SYNE2: variants seen among roughly 807,000 people sequenced by gnomAD.
The protein encoded by SYNE2 is nesprin-2.
SYNE2 carries 431 observed loss-of-function variants against 856.3 expected under a neutral mutation model. The ratio of observed to expected loss-of-function variants is 0.50; its 90% CI spans 0.47 to 0.55. The LOEUF is 0.55. SYNE2 is among the 20% of genes least tolerant of loss of function. SYNE2 has a pLI of 0.00. For synonymous variants in SYNE2, 2,923 were observed against 2,872.3 expected (o/e 1.02, Z -0.56); for missense variants, 8,129 against 8,023.2 (o/e 1.01, Z -0.50).
In SYNE2 at chr14:64,154,880, G is replaced by T. The variant is rs137876751; in HGVS notation, c.15792+2164G>T. On this transcript the variant is annotated intron_variant, in intron 85 of 115. Coordinates refer to ENST00000555002, the MANE Select transcript of SYNE2 (RefSeq NM_182914.3). ...AAATGGCCGAAAAGTGCATTGAAAAGATATTCCATGTCATTAACCATCAAG... is the reference window on the plus strand; with the variant it reads ...AAATGGCCGAAAAGTGCATTGAAAATATATTCCATGTCATTAACCATCAAG... 2.3e-3 allele frequency among the ~76,000 whole-genome samples: 354 copies of T among 150,960 alleles called. 1 individual carries two copies. Among genetic ancestry groups the T allele is most frequent in the African/African-American group, 8.2e-3 (339 of 41,102 alleles).
chr14:64,003,209 A>G lies in SYNE2; in HGVS notation c.4276A>G (p.Asn1426Asp). The change falls in exon 30 of 116, where the codon AAC (asparagine) becomes GAC (aspartate). Residue 1426 changes from asparagine (N) to aspartate (D), a missense_variant. Asn to Asp is a conservative substitution (Grantham distance 23, BLOSUM62 1). Around this residue, in one of 3 missense-constraint regions of SYNE2, gnomAD observed 2,422 missense variants for 2,357.4 expected, o/e 1.03. Transcript: ENST00000555002. ...GGTACAGGAGGAATTCACTGAGGAA[A>G]ACAAATTACTAGAGGCTTGTATTTT... ...YGVQEEFTEE[N>D]KLLEACIFKN... is the part of the protein sequence containing the mutation. 6.2e-7 allele frequency: 1 copy of G among 1,614,046 alleles called. No homozygotes were observed. Among genetic ancestry groups the G allele is most frequent in the East Asian group, 2.2e-5 (1 of 44,886 alleles).
chr14:64,190,821 A>G (rs919257267), intron 99 of SYNE2: 49 of 680,256 alleles, frequency 7.2e-5, no homozygotes, highest in African/African-American at 6.5e-4. Flanking sequence ...GGCCAGTGCA[A>G]TCTTATCAGA....
exon 1 of SYNE2, chr14:63,761,940 C>A: frequency 3.5e-6 from 1 of 284,774 alleles, no homozygotes; most frequent in South Asian, 3.3e-5. Context: ...CCGCGGGGAG[C>A]GGCACGGGGT....
chr14:63,936,611 A>G (rs1331794393), intron 2 of SYNE2, among the ~76,000 whole-genome samples: 1 of 152,098 alleles, frequency 6.6e-6, no homozygotes, highest in East Asian at 1.9e-4. Context: ...AGGAGGCCAG[A>G]GTGGTTGGAG....
chr14:63,818,484 C>T (rs1889092315), intron 1 of SYNE2, among the ~76,000 whole-genome samples: 1 of 152,046 alleles, frequency 6.6e-6, no homozygotes, highest in Non-Finnish European at 1.5e-5. Flanking sequence ...CTCCCCTGCA[C>T]TCCAGCTGGG....
intron 99 of SYNE2, among the ~76,000 whole-genome samples, chr14:64,197,282 G>A (rs1401062631): frequency 1.3e-5 from 2 of 152,176 alleles, no homozygotes; most frequent in Admixed American, 6.5e-5. Context: ...GTCAGCATGC[G>A]TGTGGTGTCT....
chr14:64,222,397 G>A (rs547348257), intron 112 of SYNE2, among the ~76,000 whole-genome samples: 132 of 152,272 alleles, frequency 8.7e-4, no homozygotes, highest in African/African-American at 3.0e-3. Flanking sequence ...GACTGAAACT[G>A]AATTTTTAAT....
intron 1 of SYNE2, among the ~76,000 whole-genome samples, chr14:63,812,031 A>G (rs1888631322): frequency 6.6e-6 from 1 of 152,182 alleles, no homozygotes; most frequent in South Asian, 2.1e-4. Flanking sequence ...AACAGAAAAC[A>G]GGGTTTGAGA....
intron 70 of SYNE2, 74 bp downstream of exon 70, chr14:64,122,501 T>C (rs1412234456): frequency 1.3e-6 from 2 of 1,597,834 alleles, no homozygotes; most frequent in Non-Finnish European, 1.7e-6. Context: ...TAAATAAACA[T>C]GTATATTCTC....
chr14:63,811,334 C>T (rs552355354), intron 1 of SYNE2, among the ~76,000 whole-genome samples: 31 of 152,110 alleles, frequency 2.0e-4, no homozygotes, highest in Non-Finnish European at 4.0e-4. Context: ...TTGCTCACTG[C>T]AGCCTTGACC....
chr14:63,808,279 A>G (rs982723777), intron 1 of SYNE2, among the ~76,000 whole-genome samples: 2 of 151,830 alleles, frequency 1.3e-5, no homozygotes, highest in Non-Finnish European at 2.9e-5. Context: ...ACCTGAGGTC[A>G]GGAGTTCGAG....
rs1436965846 is a variant in SYNE2 at position 63,815,149 on chromosome 14, CA to C, written c.-304-37351del. On this transcript the variant is annotated intron_variant, in intron 1 of 23. Transcript: ENST00000674003. ...CCACATATATATCCATATATATACACATATATATCCATATATATCCACATAT... is the reference window on the plus strand; with the variant it reads ...CCACATATATATCCATATATATACACTATATATCCATATATATCCACATAT... 2.0e-4 allele frequency among the ~76,000 whole-genome samples: 13 copies of C among 65,738 alleles called. 1 individual carries two copies. The highest frequency in any genetic ancestry group is 7.1e-4 in the African/African-American group (13 of 18,316). 43.1% of individuals were successfully genotyped at this position (65,738 alleles called of 152,430 possible).
intron 49 of SYNE2, among the ~76,000 whole-genome samples, chr14:64,062,195 A>C (rs2097323089): frequency 6.6e-6 from 1 of 152,150 alleles, no homozygotes; most frequent in Non-Finnish European, 1.5e-5. Flanking sequence ...TAATGTAATT[A>C]CTCTATAATA....
In SYNE2 at chr14:64,220,652, C is replaced by T. The variant is rs1234410614; in HGVS notation, c.20061+15C>T. 1.2e-6 allele frequency: 2 copies of T among 1,612,718 alleles called. No homozygotes were observed. The highest frequency in any genetic ancestry group is 1.7e-5 in the Admixed American group (1 of 59,986). On this transcript the variant is annotated intron_variant, in intron 111 of 115. Transcript: ENST00000555002. ...TGCAGTGCCAGGTACGCTGACTCAG[C>T]AGCCCGCCTCCCAGAGCCGGTACCC... is the stretch of plus-strand genomic sequence containing the variant.
intron 83 of SYNE2, among the ~76,000 whole-genome samples, chr14:64,144,923 C>CTTT (rs573628737): frequency 3.4e-4 from 40 of 116,180 alleles, no homozygotes; most frequent in East Asian, 7.7e-4. Flanking sequence ...ATTGGGGCAG[C>CTTT]TTTTTTTTTT....
intron 1 of SYNE2, chr14:63,864,592 C>A (rs1894709382): frequency 6.6e-6 from 1 of 152,126 alleles, no homozygotes; most frequent in Non-Finnish European, 1.5e-5. Flanking sequence ...CCAACAGATT[C>A]TTTTAGGTTA....
chr14:64,011,400 T>C (rs1268684968), intron 32 of SYNE2, among the ~76,000 whole-genome samples: 1 of 152,204 alleles, frequency 6.6e-6, no homozygotes, highest in East Asian at 1.9e-4. Flanking sequence ...GGTCCTGTCC[T>C]CTTTCAGTAG....
At chr14:63,978,800 A>T in intron 13 of SYNE2, 52 bp from the exon 14 acceptor site, 2 of 1,487,598 alleles carry the variant, frequency 1.3e-6, no homozygotes, top group Non-Finnish European at 1.9e-6. Context: ...CAGATTTCTC[A>T]CATTTGGTCA....
intron 1 of SYNE2, among the ~76,000 whole-genome samples, chr14:63,859,743 G>C (rs113477410): frequency 2.8e-4 from 42 of 152,288 alleles, no homozygotes; most frequent in African/African-American, 8.7e-4. Context: ...TTGAACTCAG[G>C]GGGTGGAGGT....
Sources: allele counts gnomAD v4.1 joint callset (sites outside exome capture counted in the v4.1 genomes callset), GRCh38; gene constraint gnomAD v4.1.1; regional missense constraint gnomAD v4.1.1; transcripts MANE v1.5; gene names NCBI Gene and HGNC (gene_info 2026-07-23, HGNC 2026-07-21).